Variants in CCDC178 observed in about 807,000 individuals in gnomAD.
CCDC178 encodes the protein coiled-coil domain containing 178, also known as coiled-coil domain-containing protein 178.
A neutral mutation model predicts 117.4 loss-of-function variants in CCDC178; 126 were observed. The observed-to-expected ratio is 1.07, with a 90% CI of 0.93 to 1.24. CCDC178 has a LOEUF of 1.24. CCDC178 is among the 50% of genes most tolerant of loss of function. CCDC178 has a pLI of 0.00. For missense variants in CCDC178, 1,030 were observed against 986.9 expected (o/e 1.04, Z -0.59); for synonymous variants, 283 against 313.4 (o/e 0.90, Z 1.02).
intron 21 of CCDC178, among the ~76,000 whole-genome samples, chr18:33,058,416 G>T (rs972534333): frequency 6.6e-6 from 1 of 152,160 alleles, no homozygotes; most frequent in African/African-American, 2.4e-5. Flanking sequence ...GGACAACTCT[G>T]CATCCTCAAT....
At chr18:33,314,572 G>T (rs945528343) in intron 11 of CCDC178, among the ~76,000 whole-genome samples, 2 of 152,104 alleles carry the variant, frequency 1.3e-5, no homozygotes, top group African/African-American at 4.8e-5. Flanking sequence ...GAGGTCCTCA[G>T]AAATATGGAA....
chr18:33,404,823 T>C (rs982869212), intron 3 of CCDC178, among the ~76,000 whole-genome samples: 13 of 151,684 alleles, frequency 8.6e-5, no homozygotes. Flanking sequence ...TGGATGAACC[T>C]TGACAGCATT....
At chr18:33,356,927 C>G (rs758454796) in intron 6 of CCDC178, among the ~76,000 whole-genome samples, 1 of 151,830 alleles carries the variant, frequency 6.6e-6, no homozygotes, top group Non-Finnish European at 1.5e-5. Flanking sequence ...CTTTCAAGGT[C>G]TGATAAGAGA....
rs1453069969 is a variant in CCDC178, at chr18:33,147,875, G to A, written c.2239-54965C>T. On this transcript the variant is annotated intron_variant, in intron 20 of 22. Transcript: ENST00000383096. ...CATCATGGCCCGTTCTCAATGAGCT[G>A]TTGGGTACACCTCCCAGACGGGGTG... Among the ~76,000 whole-genome samples the A allele has an allele frequency of 2.0e-5, 3 of 152,194 alleles. No individual in the cohort carries two copies. In the East Asian group the frequency reaches 5.8e-4, roughly 29 times the overall value.
chr18:33,328,656 T>G (rs1423448989), intron 10 of CCDC178, among the ~76,000 whole-genome samples: 1 of 152,170 alleles, frequency 6.6e-6, no homozygotes, highest in African/African-American at 2.4e-5. Context: ...CAGTTCTACT[T>G]TATTTATCTA....
At chr18:33,375,253 TA>T (rs1405614127) in intron 5 of CCDC178, among the ~76,000 whole-genome samples, 1 of 152,218 alleles carries the variant, frequency 6.6e-6, no homozygotes, top group Non-Finnish European at 1.5e-5. Flanking sequence ...GTTCTTTTAA[TA>T]ACTTTCTCTA....
At chr18:33,334,342 A>G (rs2062711318) in intron 9 of CCDC178, among the ~76,000 whole-genome samples, 1 of 152,136 alleles carries the variant, frequency 6.6e-6, no homozygotes, top group Admixed American at 6.5e-5. Flanking sequence ...GAATTTGAAT[A>G]AATGAATAAA....
chr18:33,000,392 G>A (rs1380445774), intron 21 of CCDC178, among the ~76,000 whole-genome samples: 1 of 152,112 alleles, frequency 6.6e-6, no homozygotes, highest in Admixed American at 6.6e-5. Context: ...TAAAGAGGAG[G>A]TAGAGAAAGA....
At chr18:33,070,985 T>C (rs896951012) in intron 21 of CCDC178, among the ~76,000 whole-genome samples, 1 of 152,044 alleles carries the variant, frequency 6.6e-6, no homozygotes, top group Non-Finnish European at 1.5e-5. Context: ...TGAAAATAAA[T>C]CTTCAAATCA....
At chr18:32,995,419 A>C (rs2055481987) in intron 21 of CCDC178, among the ~76,000 whole-genome samples, 1 of 152,084 alleles carries the variant, frequency 6.6e-6, no homozygotes, top group Non-Finnish European at 1.5e-5. Context: ...GTAAAAAGAT[A>C]CTCAAGGAAA....
chr18:33,421,897 T>A (rs1374016473), intron 2 of CCDC178, among the ~76,000 whole-genome samples: 1 of 152,226 alleles, frequency 6.6e-6, no homozygotes, highest in African/African-American at 2.4e-5. Flanking sequence ...TTGTGTCTTC[T>A]TAAACTCTCT....
At chr18:33,074,062 A>C (rs2057161276) in intron 21 of CCDC178, among the ~76,000 whole-genome samples, 1 of 152,128 alleles carries the variant, frequency 6.6e-6, no homozygotes, top group Non-Finnish European at 1.5e-5. Flanking sequence ...GGTGAGTGAG[A>C]GTAATCTGAA....
intron 2 of CCDC178, among the ~76,000 whole-genome samples, chr18:33,422,842 C>A (rs565688564): frequency 1.8e-4 from 27 of 152,222 alleles, no homozygotes; most frequent in African/African-American, 6.3e-4. Flanking sequence ...TCACTTTGCT[C>A]TCTGTCTATT....
chr18:33,151,968 G>T (rs549182697), intron 20 of CCDC178, among the ~76,000 whole-genome samples: 1 of 152,228 alleles, frequency 6.6e-6, no homozygotes, highest in African/African-American at 2.4e-5. Flanking sequence ...AAGAAATTAC[G>T]TATAAAGTAT....
intron 21 of CCDC178, among the ~76,000 whole-genome samples, chr18:33,017,694 C>T (rs1016580910): frequency 7.2e-5 from 11 of 151,748 alleles, no homozygotes; most frequent in African/African-American, 2.4e-4. Context: ...AAACTTGCTA[C>T]AAAGTTACAA....
chr18:33,355,650 AT>A (rs2063043982), intron 7 of CCDC178, among the ~76,000 whole-genome samples: 1 of 151,772 alleles, frequency 6.6e-6, no homozygotes, highest in Non-Finnish European at 1.5e-5. Flanking sequence ...TTTCCAACCT[AT>A]TTTTTCACAG....
At chr18:33,159,597 A>G (rs777205586) in intron 20 of CCDC178, among the ~76,000 whole-genome samples, 3 of 152,024 alleles carry the variant, frequency 2.0e-5, no homozygotes, top group Non-Finnish European at 4.4e-5. Flanking sequence ...CCTCTCTCTT[A>G]TAAGGACATT....
chr18:33,024,804 C>A (rs2056192295), intron 21 of CCDC178, among the ~76,000 whole-genome samples: 1 of 87,996 alleles, frequency 1.1e-5, no homozygotes, highest in African/African-American at 3.4e-5. Flanking sequence ...CTACCATGCT[C>A]AGCTATTTTT....
At chr18:33,331,624 A>G (rs940829427) in intron 10 of CCDC178, among the ~76,000 whole-genome samples, 2 of 152,086 alleles carry the variant, frequency 1.3e-5, no homozygotes, top group Non-Finnish European at 2.9e-5. Context: ...TAGAAATACA[A>G]TGAGAAAAGG....
Sources: gnomAD v4.1 joint callset for allele counts (sites outside exome capture counted in the v4.1 genomes callset) on GRCh38, gnomAD v4.1.1 for gene constraint, MANE v1.5 for transcripts, NCBI Gene and HGNC (gene_info 2026-07-23, HGNC 2026-07-21) for gene names.